Variants in XPNPEP1 observed in about 807,000 individuals in gnomAD.
XPNPEP1 encodes the protein X-prolyl aminopeptidase 1, also known as xaa-Pro aminopeptidase 1.
In XPNPEP1, 39 loss-of-function variants were observed where a neutral mutation model predicts 92.4. The ratio of observed to expected loss-of-function variants is 0.42; its 90% CI spans 0.33 to 0.55. XPNPEP1 has a LOEUF of 0.55. XPNPEP1 is among the 20% of genes least tolerant of loss of function. The pLI, the probability that XPNPEP1 is intolerant of heterozygous loss-of-function variation, is 0.08. For synonymous variants in XPNPEP1, 307 were observed against 299.4 expected, an observed-to-expected ratio of 1.03 and a Z score of -0.26; for missense variants, 654 against 856.1, an observed-to-expected ratio of 0.76 and a Z score of 2.95.
Position 109,910,611 on chromosome 10 carries a change from A to AT in XPNPEP1, c.122-2797dup, listed in dbSNP as rs1020462295. 1.9e-3 allele frequency among the ~76,000 whole-genome samples: 291 copies of AT among 151,596 alleles called. 1 individual carries two copies. Among genetic ancestry groups the AT allele is most frequent in the African/African-American group, 6.6e-3 (275 of 41,354 alleles). On this transcript the variant is annotated intron_variant, in intron 2 of 20. Transcript: ENST00000502935. ...ATGTCTTTTGATTGCTTGATAGCTC[A>AT]TTTTTTTAGCCCTGAATAATACTCC...
Position 109,882,599 on chromosome 10 carries a change from C to G in XPNPEP1, c.874G>C (p.Glu292Gln). 1.9e-6 allele frequency: 3 copies of G among 1,614,130 alleles called. No individual in the cohort carries two copies. The highest frequency in any genetic ancestry group is 2.5e-6 in the Non-Finnish European group (3 of 1,180,018). The part of the protein sequence containing the change: ...GDRIDAPSVK[E>Q]HLLLDLGLEA... The stretch of plus-strand genomic sequence containing the variant: ...AGACCCAAGTCAAGAAGCAGGTGCT[C>G]CTTCACACTGGGGGCGTCTATGCGG... Residue 292 changes from glutamate (E) to glutamine (Q), a missense_variant, in exon 10 of 21, where the codon GAG becomes CAG. Physicochemically the swap from Glu to Gln is conservative, Grantham distance 29 (BLOSUM62 2). Transcript: ENST00000502935.
At chr10:109,889,245 C>T (rs929547762) in intron 5 of XPNPEP1, among the ~76,000 whole-genome samples, 14 of 152,246 alleles carry the variant, frequency 9.2e-5, no homozygotes, top group African/African-American at 2.9e-4. Flanking sequence ...CTCTGTTATG[C>T]AGGCTAGAGT....
At position 109,886,283 on chromosome 10, in the gene XPNPEP1, G is replaced by C. The variant is rs990686610; in HGVS notation, c.711C>G (p.Val237=). The C allele has an allele frequency of 1.9e-6, 3 of 1,614,088 alleles. No individual in the cohort carries two copies. Among genetic ancestry groups the C allele is most frequent in the East Asian group, 4.5e-5 (2 of 44,894 alleles). ...DLRLKMAERN[V]MWFVVTALDE... is the part of the protein sequence containing the mutation. ...CCAAGGCAGTGACCACAAACCACATGACGTTCCTCTCAGCCATTTTCAACC... is the reference window on the plus strand; with the variant it reads ...CCAAGGCAGTGACCACAAACCACATCACGTTCCTCTCAGCCATTTTCAACC... Residue 237 remains valine (V), a synonymous_variant, in exon 8 of 21, where the codon GTC becomes GTG. Coordinates refer to ENST00000502935, the MANE Select transcript of XPNPEP1 (RefSeq NM_020383.4).
chr10:109,895,349 G>A (rs1410011072), intron 3 of XPNPEP1, among the ~76,000 whole-genome samples: 1 of 152,196 alleles, frequency 6.6e-6, no homozygotes, highest in Non-Finnish European at 1.5e-5. Flanking sequence ...CCCTTTCTGG[G>A]CAAGCTTGGG....
chr10:109,907,898 G>C, intron 2 of XPNPEP1, 83 bp from the exon 3 acceptor site: 1 of 1,574,302 alleles, frequency 6.4e-7, no homozygotes, highest in Non-Finnish European at 8.6e-7. Flanking sequence ...ACAGAGAGAA[G>C]TGCCTTCTAC....
chr10:109,871,907 C>G (rs2274978), intron 16 of XPNPEP1, 46 bp from the exon 17 acceptor site: 270,039 of 1,578,102 alleles, frequency 0.17, 27,098 homozygotes, highest in South Asian at 0.39. Flanking sequence ...GGACAGATGT[C>G]TAATCCTGTA....
intron 8 of XPNPEP1, 44 bp from the exon 9 acceptor site, chr10:109,884,192 T>G (rs1564761531): frequency 6.3e-7 from 1 of 1,591,924 alleles, no homozygotes; most frequent in Non-Finnish European, 8.6e-7. Flanking sequence ...TGACTTAAGA[T>G]GTTAAGGGGT....
rs1211033579 is a variant in XPNPEP1, at chr10:109,871,881, GCA to G, written c.1453-22_1453-21del. ...GCATTCCTGCAAAGAAAACCCAGGG[GCA>G]TGTTGCAGAATGGGGACAGATGTCT... On this transcript the variant is annotated intron_variant, in intron 16 of 20. Transcript: ENST00000502935. 29 of 1,611,852 alleles carry G rather than the reference GCA, an allele frequency of 1.8e-5. No individual in the cohort carries two copies. In the Admixed American group the frequency reaches 3.4e-4, roughly 19 times the overall value.
In XPNPEP1 at chr10:109,877,779, G is replaced by T; in HGVS notation, c.1319+11C>A. On this transcript the variant is annotated intron_variant, in intron 14 of 20. Transcript: ENST00000502935. ...GCAAGGCCAGGCAGCATGCTCCTCCGCATGCCTTACGCGTAGTGAATGATG... is the reference window on the plus strand; with the variant it reads ...GCAAGGCCAGGCAGCATGCTCCTCCTCATGCCTTACGCGTAGTGAATGATG... 2 of 1,614,216 alleles carry T rather than the reference G, an allele frequency of 1.2e-6. No homozygotes were observed. The highest frequency in any genetic ancestry group is 2.2e-5 in the South Asian group (2 of 91,078).
chr10:109,888,256 G>A (rs1053225558), intron 6 of XPNPEP1, 64 bp from the exon 7 acceptor site: 8 of 1,565,998 alleles, frequency 5.1e-6, no homozygotes, highest in African/African-American at 2.7e-5. Context: ...CAGGGAGCAG[G>A]GCCTTGAAAG....
intron 2 of XPNPEP1, 97 bp downstream of exon 2, chr10:109,914,914 A>T: frequency 4.7e-6 from 3 of 642,764 alleles, no homozygotes; most frequent in Non-Finnish European, 7.3e-6. Flanking sequence ...ATCTGTTACT[A>T]ATTCCTTACC....
At position 109,865,329 on chromosome 10, in the gene XPNPEP1, G is replaced by C; in HGVS notation, c.1873-17C>G. ...CCAGTCGCACTGCAGGGAAGAGAAG[G>C]ACAGACACGGTATTCACCACTACAT... On this transcript the variant is annotated splice_polypyrimidine_tract_variant and intron_variant, in intron 20 of 20. Transcript: ENST00000502935. The C allele has an allele frequency of 1.2e-6, 2 of 1,613,964 alleles. No individual in the cohort carries two copies. The highest frequency in any genetic ancestry group is 2.2e-5 in the South Asian group (2 of 91,062).
chr10:109,869,925 C>G (rs61882205), intron 19 of XPNPEP1, 28 bp downstream of exon 19: 128 of 1,611,896 alleles, frequency 7.9e-5, no homozygotes, highest in Non-Finnish European at 9.8e-5. Flanking sequence ...CTAATAGAAA[C>G]AGGAAAATTT....
chr10:109,888,466 T>C, intron 6 of XPNPEP1, 37 bp downstream of exon 6: 1 of 1,573,666 alleles, frequency 6.4e-7, no homozygotes, highest in Non-Finnish European at 8.6e-7. Flanking sequence ...TAGAAGCCAC[T>C]TCCTTACCCA....
At chr10:109,877,500 G>A (rs1346814208) in intron 14 of XPNPEP1, 9 of 379,502 alleles carry the variant, frequency 2.4e-5, no homozygotes, top group African/African-American at 1.8e-4. Context: ...AAGATGCAAG[G>A]GCTATGCATA....
chr10:109,878,160 T>C, intron 12 of XPNPEP1, 102 bp from the exon 13 acceptor site: 1 of 1,373,284 alleles, frequency 7.3e-7, no homozygotes, highest in African/African-American at 1.4e-5. Context: ...CCTCAATTGC[T>C]TCATCCCAAC....
At position 109,923,410 on chromosome 10, in the gene XPNPEP1, C is replaced by T; in HGVS notation, c.24G>A (p.Pro8=). MAASRKP[P]RVRVNHQDFQ... ...CGGCGGAGTGCCCTCACCTTACTCG[C>T]GGTGGCTTTCTGGAGGCTGCCATTC... Residue 8 remains proline (P), a synonymous_variant, in exon 1 of 21, where the codon CCG becomes CCA. Transcript: ENST00000502935. 2.1e-6 allele frequency: 3 copies of T among 1,441,152 alleles called. No individual in the cohort carries two copies. Among genetic ancestry groups the T allele is most frequent in the Non-Finnish European group, 1.8e-6 (2 of 1,097,150 alleles). The allele number at this position is 1,441,152 out of a possible 1,614,324, so 89.3% of individuals were successfully genotyped here.
intron 2 of XPNPEP1, among the ~76,000 whole-genome samples, chr10:109,908,795 G>A (rs975556254): frequency 1.7e-4 from 26 of 152,260 alleles, no homozygotes; most frequent in Admixed American, 1.6e-3. Flanking sequence ...TTTTAAATTT[G>A]ACTGCTTTAA....
intron 3 of XPNPEP1, among the ~76,000 whole-genome samples, chr10:109,905,773 A>T (rs1328224111): frequency 6.6e-6 from 1 of 152,244 alleles, no homozygotes; most frequent in Non-Finnish European, 1.5e-5. Context: ...TTCTCAACTA[A>T]CAAATATATT....
Sources: gnomAD v4.1 joint callset for allele counts (sites outside exome capture counted in the v4.1 genomes callset) on GRCh38, gnomAD v4.1.1 for gene constraint, MANE v1.5 for transcripts, NCBI Gene and HGNC (gene_info 2026-07-23, HGNC 2026-07-21) for gene names.